Variants in PTP4A2 observed in about 807,000 individuals in gnomAD.
The protein encoded by PTP4A2 is protein tyrosine phosphatase 4A2, also known as protein tyrosine phosphatase type IVA 2.
A neutral mutation model predicts 22.9 loss-of-function variants in PTP4A2; 2 were observed. The observed-to-expected ratio is 0.09, with a 90% CI of 0.04 to 0.27. The LOEUF is 0.27. Ranked by LOEUF, PTP4A2 falls within the 10% of genes least tolerant of loss-of-function variation. The pLI is 1.00. For synonymous variants in PTP4A2, 68 were observed against 69.1 expected (o/e 0.98, Z 0.08); for missense variants, 103 against 205.1 (o/e 0.50, Z 3.04).
chr1:31,914,261 T>C, intron 3 of PTP4A2: 1 of 455,840 alleles, frequency 2.2e-6, no homozygotes, highest in South Asian at 1.6e-5. Context: ...GAGACAGGGT[T>C]TCACCATGTT....
intron 3 of PTP4A2, chr1:31,915,610 G>A: frequency 4.7e-6 from 1 of 213,264 alleles, no homozygotes; most frequent in Non-Finnish European, 9.1e-6. Context: ...TGTGGCCACA[G>A]CTCACTGCAG....
intron 1 of PTP4A2, among the ~76,000 whole-genome samples, chr1:31,934,162 G>A (rs1652842043): frequency 6.6e-6 from 1 of 152,204 alleles, no homozygotes; most frequent in East Asian, 1.9e-4. Flanking sequence ...GGAGGCTGAG[G>A]CAGGAGAATC....
At chr1:31,911,380 T>C (rs1021012484) in intron 4 of PTP4A2, 1 of 193,516 alleles carries the variant, frequency 5.2e-6, no homozygotes, top group Non-Finnish European at 1.1e-5. Context: ...AAATTAACCA[T>C]GTATAGATTC....
chr1:31,927,458 C>A (rs542257659), intron 1 of PTP4A2, among the ~76,000 whole-genome samples: 6 of 152,082 alleles, frequency 3.9e-5, no homozygotes, highest in African/African-American at 1.4e-4. Flanking sequence ...CAAACCCGAG[C>A]GACATTCAAT....
chr1:31,916,852 T>C (rs1357307887), intron 2 of PTP4A2, among the ~76,000 whole-genome samples: 1 of 152,212 alleles, frequency 6.6e-6, no homozygotes, highest in Admixed American at 6.5e-5. Flanking sequence ...GAGAAAAACA[T>C]CTAGAAGCCA....
intron 1 of PTP4A2, chr1:31,921,869 A>G (rs892040371): frequency 6.6e-5 from 10 of 152,178 alleles, no homozygotes; most frequent in Non-Finnish European, 1.3e-4. Flanking sequence ...TGTAAATTGC[A>G]TACTTGTGAT....
chr1:31,933,986 G>C (rs772140558), intron 1 of PTP4A2: 1 of 152,142 alleles, frequency 6.6e-6, no homozygotes, highest in Admixed American at 6.5e-5. Context: ...TGGGCCGCGC[G>C]GTGGCTCATG....
intron 1 of PTP4A2, among the ~76,000 whole-genome samples, chr1:31,923,751 C>T (rs1652317859): frequency 6.6e-6 from 1 of 152,182 alleles, no homozygotes; most frequent in Non-Finnish European, 1.5e-5. Flanking sequence ...TGGTCTAAAA[C>T]TCCTGGGCTC....
At chr1:31,922,903 T>TGA (rs1652255955) in intron 1 of PTP4A2, among the ~76,000 whole-genome samples, 2 of 151,736 alleles carry the variant, frequency 1.3e-5, no homozygotes, top group African/African-American at 4.8e-5. Flanking sequence ...ATTACAGGCA[T>TGA]GAGTCACCGT....
intron 1 of PTP4A2, chr1:31,921,757 G>A (rs1652165662): frequency 6.6e-6 from 1 of 152,180 alleles, no homozygotes; most frequent in African/African-American, 2.4e-5. Context: ...CCATTTTCAG[G>A]AAGAAACTGA....
At chr1:31,908,986 T>C (rs371968552) in intron 5 of PTP4A2, 26 bp from the exon 6 acceptor site, 14 of 1,527,208 alleles carry the variant, frequency 9.2e-6, no homozygotes, top group African/African-American at 2.7e-5. Context: ...TGGCAAACTT[T>C]ATCATGTAAA....
At chr1:31,922,074 G>A (rs913478204) in intron 1 of PTP4A2, among the ~76,000 whole-genome samples, 1 of 152,134 alleles carries the variant, frequency 6.6e-6, no homozygotes, top group Non-Finnish European at 1.5e-5. Flanking sequence ...AATTCTAACT[G>A]TAACCCCAAA....
chr1:31,917,100 T>C (rs1026440190), intron 2 of PTP4A2, among the ~76,000 whole-genome samples: 8 of 152,244 alleles, frequency 5.3e-5, no homozygotes, highest in African/African-American at 1.7e-4. Flanking sequence ...ATCTTTTTTA[T>C]AGTTGCAGGA....
intron 1 of PTP4A2, among the ~76,000 whole-genome samples, chr1:31,920,283 A>C (rs879742103): frequency 7.3e-5 from 11 of 151,288 alleles, no homozygotes; most frequent in Non-Finnish European, 1.3e-4. Flanking sequence ...GTCTCTACTA[A>C]AAATACAAAA....
At chr1:31,928,225 TAATATA>T (rs1050960360) in intron 1 of PTP4A2, among the ~76,000 whole-genome samples, 1 of 145,766 alleles carries the variant, frequency 6.9e-6, no homozygotes, top group Non-Finnish European at 1.5e-5. Flanking sequence ...ATAAATATAA[TAATATA>T]ATATATAGCA....
At chr1:31,930,385 G>A (rs1652674641) in intron 1 of PTP4A2, among the ~76,000 whole-genome samples, 1 of 152,020 alleles carries the variant, frequency 6.6e-6, no homozygotes, top group South Asian at 2.1e-4. Flanking sequence ...TAGTTTATGG[G>A]TCAACTTAAC....
rs1449307918 is a variant in PTP4A2 at position 31,907,124 on chromosome 1, G to A, written c.*1728C>T. ...GTTCACATAGCCGGTCAACATGTGA[G>A]GTATCATCAGTGTGAGACAAGGTCC... is the stretch of plus-strand genomic sequence containing the variant. On this transcript the variant is annotated 3_prime_UTR_variant, in exon 6 of 6. Coordinates refer to ENST00000647444, the MANE Select transcript of PTP4A2 (RefSeq NM_080391.4). 1.3e-5 allele frequency: 2 copies of A among 152,182 alleles called. No homozygotes were observed. The highest frequency in any genetic ancestry group is 1.5e-5 in the Non-Finnish European group (1 of 68,032). 9.4% of individuals were successfully genotyped at this position (152,182 alleles called of 1,614,324 possible).
intron 1 of PTP4A2, among the ~76,000 whole-genome samples, chr1:31,923,235 C>G (rs1652277165): frequency 6.6e-6 from 1 of 151,138 alleles, no homozygotes; most frequent in African/African-American, 2.4e-5. Flanking sequence ...GAGACAGGGT[C>G]TTGCTCTATC....
chr1:31,922,440 G>A (rs1652202146), intron 1 of PTP4A2, among the ~76,000 whole-genome samples: 2 of 152,100 alleles, frequency 1.3e-5, no homozygotes, highest in Admixed American at 6.5e-5. Flanking sequence ...CCAAGATTGT[G>A]CCACTGCACT....
Sources: gnomAD v4.1 joint callset for allele counts (sites outside exome capture counted in the v4.1 genomes callset) on GRCh38, gnomAD v4.1.1 for gene constraint, MANE v1.5 for transcripts, NCBI Gene and HGNC (gene_info 2026-07-23, HGNC 2026-07-21) for gene names.